BAIAP2: variants seen among roughly 807,000 people sequenced by gnomAD.
The protein encoded by BAIAP2 is BAR/IMD domain-containing adapter protein 2.
BAIAP2 carries 18 observed loss-of-function variants against 63.0 expected under a neutral mutation model. The ratio of observed to expected loss-of-function variants is 0.29; its 90% CI spans 0.20 to 0.42. The LOEUF (loss-of-function observed/expected upper bound fraction) is 0.42. Among genes scored for constraint, BAIAP2 ranks in the 10% least tolerant of loss-of-function variants. The pLI is 1.00. For synonymous variants in BAIAP2, 386 were observed against 307.6 expected (o/e 1.25, Z -2.67); for missense variants, 610 against 734.3 (o/e 0.83, Z 1.96).
At chr17:81,095,530 G>A (rs985492481) in intron 6 of BAIAP2, among the ~76,000 whole-genome samples, 1 of 152,164 alleles carries the variant, frequency 6.6e-6, no homozygotes, top group Non-Finnish European at 1.5e-5. Context: ...GGTGAGGAGA[G>A]GCAGCTGTCA....
intron 2 of BAIAP2, among the ~76,000 whole-genome samples, chr17:81,055,169 G>A (rs1006942184): frequency 3.9e-5 from 6 of 152,196 alleles, no homozygotes; most frequent in Non-Finnish European, 5.9e-5. Flanking sequence ...TGTCAAGGAC[G>A]GGGCAGGAGT....
chr17:81,042,259 C>T (rs2047187983), intron 1 of BAIAP2, among the ~76,000 whole-genome samples: 1 of 151,608 alleles, frequency 6.6e-6, no homozygotes, highest in Admixed American at 6.6e-5. Context: ...CCTCCTGCCT[C>T]AGCCACCTGA....
intron 3 of BAIAP2, among the ~76,000 whole-genome samples, chr17:81,082,528 T>C (rs917986877): frequency 2.0e-5 from 3 of 152,206 alleles, no homozygotes; most frequent in African/African-American, 7.2e-5. Flanking sequence ...GATGGGATCC[T>C]GCCAGCCCTG....
intron 3 of BAIAP2, among the ~76,000 whole-genome samples, chr17:81,058,432 T>A (rs544009949): frequency 1.3e-5 from 2 of 152,310 alleles, no homozygotes; most frequent in South Asian, 4.1e-4. Context: ...TTTAGCAAAT[T>A]TTCTGTGATC....
intron 2 of BAIAP2, among the ~76,000 whole-genome samples, chr17:81,054,746 T>C (rs2049187165): frequency 6.6e-6 from 1 of 152,092 alleles, no homozygotes. Flanking sequence ...CTTCCCACTG[T>C]CTCCCTGAGA....
At chr17:81,109,034 C>T in intron 13 of BAIAP2, 1 of 1,530,698 alleles carries the variant, frequency 6.5e-7, no homozygotes, top group Non-Finnish European at 8.8e-7. Flanking sequence ...CTCTGAAGAG[C>T]TTCCGCGCCT....
rs780498773 is a variant in BAIAP2, at chr17:81,103,678, G to T, written c.819G>T (p.Gly273=). 1 of 1,595,998 alleles carries T rather than the reference G, an allele frequency of 6.3e-7. No homozygotes were observed. Among genetic ancestry groups the T allele is most frequent in the Non-Finnish European group, 8.5e-7 (1 of 1,171,830 alleles). Residue 273 remains glycine, a synonymous_variant, in exon 8 of 14, where the codon GGG becomes GGT. Transcript: ENST00000428708. ...TGGTCATTTCCGACCCCATTCCGGG[G>T]GCCAAGCCCCTGCCGGTGCCCCCCG... is the stretch of plus-strand genomic sequence containing the variant. ...SNLVISDPIP[G]AKPLPVPPEL...
intron 6 of BAIAP2, among the ~76,000 whole-genome samples, chr17:81,088,135 C>T (rs1212393461): frequency 6.6e-6 from 1 of 152,074 alleles, no homozygotes; most frequent in African/African-American, 2.4e-5. Context: ...GCGGACGGCA[C>T]CCCTGCGGCC....
At chr17:81,049,521 C>T (rs1223637676) in intron 1 of BAIAP2, among the ~76,000 whole-genome samples, 1 of 152,218 alleles carries the variant, frequency 6.6e-6, no homozygotes, top group African/African-American at 2.4e-5. Flanking sequence ...TTTTAAAGCC[C>T]ACAGACTTTC....
intron 1 of BAIAP2, among the ~76,000 whole-genome samples, chr17:81,038,091 G>A (rs774153314): frequency 5.4e-4 from 83 of 152,364 alleles, no homozygotes; most frequent in Non-Finnish European, 6.8e-4. Context: ...AGGGCAAGGC[G>A]CGGAAGACCC....
chr17:81,059,124 C>A (rs1288032253), intron 3 of BAIAP2, among the ~76,000 whole-genome samples: 1 of 141,108 alleles, frequency 7.1e-6, no homozygotes, highest in Non-Finnish European at 1.5e-5. Context: ...CTCATCGGAG[C>A]CCCCCCCCCA....
intron 1 of BAIAP2, among the ~76,000 whole-genome samples, chr17:81,045,908 T>G (rs1415343095): frequency 6.6e-6 from 1 of 152,098 alleles, no homozygotes; most frequent in Non-Finnish European, 1.5e-5. Flanking sequence ...CCCCCTCTGT[T>G]GTGGAACAGG....
At position 81,106,080 on chromosome 17, in the gene BAIAP2, G is replaced by T; in HGVS notation, c.1271G>T (p.Arg424Leu). 1.3e-6 allele frequency: 2 copies of T among 1,575,794 alleles called. No individual in the cohort carries two copies. The change falls in exon 11 of 14, where the codon CGG becomes CTG. Residue 424 changes from arginine (R) to leucine (L), a missense_variant and splice_region_variant. Coordinates refer to ENST00000428708, the MANE Select transcript of BAIAP2 (RefSeq NM_001144888.2). Reference sequence around the variant, plus strand: ...CTTACCTGGGGCCTCTCTTCCAGGCGGGGCTGGTTTCCCTTCTCCTACACC... The same window carrying T: ...CTTACCTGGGGCCTCTCTTCCAGGCTGGGCTGGTTTCCCTTCTCCTACACC... The part of the protein sequence containing the change: ...HYGESEKTKM[R>L]GWFPFSYTRV...
At chr17:81,085,770 C>A in intron 5 of BAIAP2, 45 bp downstream of exon 5, 1 of 1,506,360 alleles carries the variant, frequency 6.6e-7, no homozygotes, top group Non-Finnish European at 9.2e-7. Flanking sequence ...TGCCTGGGCT[C>A]CGGCTCTCCC....
chr17:81,081,911 G>A (rs973673564), intron 3 of BAIAP2, among the ~76,000 whole-genome samples: 4 of 152,174 alleles, frequency 2.6e-5, no homozygotes, highest in Non-Finnish European at 1.5e-5. Context: ...GGTTGGAGCC[G>A]GTGGAAGTGA....
intron 11 of BAIAP2, among the ~76,000 whole-genome samples, chr17:81,106,399 T>TG (rs2059184951): frequency 6.6e-6 from 1 of 152,170 alleles, no homozygotes; most frequent in African/African-American, 2.4e-5. Flanking sequence ...GGGCAGCTCC[T>TG]GGGGGCCAGG....
chr17:81,073,597 A>G (rs968155815), intron 3 of BAIAP2, among the ~76,000 whole-genome samples: 2 of 152,104 alleles, frequency 1.3e-5, no homozygotes, highest in Non-Finnish European at 2.9e-5. Context: ...GATGAGGACG[A>G]CGATCTGCAC....
chr17:81,059,952 G>T (rs1462293299), intron 3 of BAIAP2, among the ~76,000 whole-genome samples: 1 of 152,222 alleles, frequency 6.6e-6, no homozygotes, highest in Non-Finnish European at 1.5e-5. Flanking sequence ...TTGACTGCAA[G>T]AAGGCGCTGA....
chr17:81,046,343 T>G lies in BAIAP2; in HGVS notation c.55-7325T>G, dbSNP rs142036585. Among the ~76,000 whole-genome samples the G allele has an allele frequency of 7.7e-4, 117 of 152,258 alleles. No homozygotes were observed. Among genetic ancestry groups the G allele is most frequent in the African/African-American group, 2.7e-3 (114 of 41,556 alleles). On this transcript the variant is annotated intron_variant, in intron 1 of 13. Coordinates refer to ENST00000428708, the MANE Select transcript of BAIAP2 (RefSeq NM_001144888.2). The surrounding 1 kb of genome is among the most constrained non-coding windows in gnomAD (Gnocchi z 4.5). ...AGTAAGATGCAGTTCAAGATCTGCC[T>G]CCTCCAGGCAGCCCTCCCAGCTGTG...
Sources: allele counts gnomAD v4.1 joint callset (sites outside exome capture counted in the v4.1 genomes callset), GRCh38; gene constraint gnomAD v4.1.1; non-coding constraint Gnocchi (gnomAD v3.1); transcripts MANE v1.5; gene names NCBI Gene and HGNC (gene_info 2026-07-23, HGNC 2026-07-21).